Variants in FBXL2 observed in about 807,000 individuals in gnomAD.
FBXL2 encodes F-box/LRR-repeat protein 2.
Under a neutral mutation model 69.2 loss-of-function variants are expected in FBXL2, and 38 were observed. The ratio of observed to expected loss-of-function variants is 0.55; its 90% CI spans 0.42 to 0.72. The LOEUF is 0.72. Ranked by LOEUF, FBXL2 falls within the 30% of genes least tolerant of loss-of-function variation. The pLI is 0.00. For synonymous variants in FBXL2, 192 were observed against 201.3 expected, an observed-to-expected ratio of 0.95 and a Z score of 0.39; for missense variants, 354 against 520.3, an observed-to-expected ratio of 0.68 and a Z score of 3.11.
At chr3:33,310,023 A>C (rs1349366331) in intron 2 of FBXL2, among the ~76,000 whole-genome samples, 3 of 152,158 alleles carry the variant, frequency 2.0e-5, no homozygotes, top group African/African-American at 7.2e-5. Context: ...AGTCACATAC[A>C]AAAACTCTAC....
At chr3:33,355,099 A>C (rs745726431) in intron 2 of FBXL2, among the ~76,000 whole-genome samples, 8 of 151,996 alleles carry the variant, frequency 5.3e-5, no homozygotes, top group Non-Finnish European at 8.8e-5. Flanking sequence ...CTGGCTAATT[A>C]CTGTATTTTT....
chr3:33,326,557 T>C (rs2038713061), intron 2 of FBXL2, among the ~76,000 whole-genome samples: 1 of 152,028 alleles, frequency 6.6e-6, no homozygotes, highest in South Asian at 2.1e-4. Flanking sequence ...AGGTTTTTTC[T>C]TTTTCTTTTC....
At chr3:33,297,136 A>G (rs1367304999) in intron 1 of FBXL2, among the ~76,000 whole-genome samples, 1 of 152,048 alleles carries the variant, frequency 6.6e-6, no homozygotes, top group African/African-American at 2.4e-5. Context: ...ATCTCAGAGT[A>G]TTTTGTTCAT....
the FBXL2 span, chr3:33,411,457 G>A: frequency 3.8e-6 from 3 of 786,078 alleles, no homozygotes; most frequent in East Asian, 8.0e-5. Flanking sequence ...TATGTATATA[G>A]AAAGACACTA....
intron 2 of FBXL2, chr3:33,300,566 C>G (rs909913957): frequency 6.6e-6 from 1 of 152,200 alleles, no homozygotes; most frequent in Non-Finnish European, 1.5e-5. Flanking sequence ...AGATCTTCTC[C>G]AACTTGTGAG....
At chr3:33,352,992 T>A (rs922978673) in intron 2 of FBXL2, among the ~76,000 whole-genome samples, 1 of 152,172 alleles carries the variant, frequency 6.6e-6, no homozygotes, top group Non-Finnish European at 1.5e-5. Context: ...TGAACAGATA[T>A]TTTACCAAAG....
intron 1 of FBXL2, among the ~76,000 whole-genome samples, chr3:33,283,822 T>C (rs1033810135): frequency 6.6e-5 from 10 of 152,358 alleles, no homozygotes; most frequent in Admixed American, 2.0e-4. Flanking sequence ...CTGGATTTTC[T>C]AGTTTATTTG....
chr3:33,343,156 T>C (rs2040193090), intron 2 of FBXL2, among the ~76,000 whole-genome samples: 1 of 151,990 alleles, frequency 6.6e-6, no homozygotes, highest in South Asian at 2.1e-4. Context: ...CAATTATATA[T>C]ATATGATAGT....
At chr3:33,291,605 C>A (rs1012547396) in intron 1 of FBXL2, among the ~76,000 whole-genome samples, 1 of 151,362 alleles carries the variant, frequency 6.6e-6, no homozygotes, top group Non-Finnish European at 1.5e-5. Context: ...GCACAACAAG[C>A]AGGGGAAGTC....
intron 5 of FBXL2, among the ~76,000 whole-genome samples, chr3:33,366,434 A>G (rs116361484): frequency 1.3e-5 from 2 of 152,140 alleles, no homozygotes; most frequent in African/African-American, 4.8e-5. Flanking sequence ...TGGGAGGCCA[A>G]GGTGGGAGAA....
intron 2 of FBXL2, among the ~76,000 whole-genome samples, chr3:33,328,614 A>G (rs1040899620): frequency 1.3e-5 from 2 of 152,218 alleles, no homozygotes; most frequent in Admixed American, 6.5e-5. Context: ...AGTTTCTTCA[A>G]TAAATGGTGC....
chr3:33,297,797 T>C, intron 2 of FBXL2, 72 bp downstream of exon 2: 1 of 913,838 alleles, frequency 1.1e-6, no homozygotes, highest in Non-Finnish European at 1.8e-6. Context: ...CTATCTTCTT[T>C]CTCACTGTGA....
chr3:33,290,768 C>A (rs2035142800), intron 1 of FBXL2, among the ~76,000 whole-genome samples: 1 of 151,710 alleles, frequency 6.6e-6, no homozygotes, highest in Non-Finnish European at 1.5e-5. Flanking sequence ...AGAGCAGGGA[C>A]AGAAGTCTGA....
chr3:33,390,432 A>G (rs1259434718), downstream of FBXL2: 10 of 1,575,666 alleles, frequency 6.3e-6, no homozygotes, highest in African/African-American at 1.4e-5. Flanking sequence ...TATTAAATGG[A>G]AAACTCCCTG....
rs894778057 is a variant in FBXL2 at position 33,397,342 on chromosome 3, A to G, written n.1215-5892A>G. ...TGGCTTTTCCATGTCCTGTATCAAG[A>G]AGGAGCTTAGAAGTCCTGAGGCTGA... is the stretch of plus-strand genomic sequence containing the variant. On this transcript the variant is annotated intron_variant and non_coding_transcript_variant, in intron 12 of 12. Coordinates refer to the FBXL2 transcript ENST00000463736. The G allele has an allele frequency of 3.8e-5, 16 of 415,782 alleles. No individual in the cohort carries two copies. The South Asian group carries it at 8.7e-4, about 23-fold the overall frequency. 25.8% of individuals were successfully genotyped at this position (415,782 alleles called of 1,614,324 possible).
intron 1 of FBXL2, among the ~76,000 whole-genome samples, chr3:33,295,857 C>A (rs2035694098): frequency 6.6e-6 from 1 of 152,198 alleles, no homozygotes; most frequent in South Asian, 2.1e-4. Flanking sequence ...TATGTATTGG[C>A]CATTTACATA....
intron 5 of FBXL2, among the ~76,000 whole-genome samples, chr3:33,370,540 C>A (rs1395644838): frequency 6.6e-6 from 1 of 152,118 alleles, no homozygotes; most frequent in Non-Finnish European, 1.5e-5. Flanking sequence ...TCTGCTGTCA[C>A]CCTTATGTTT....
At chr3:33,297,299 T>A (rs548655390) in intron 1 of FBXL2, among the ~76,000 whole-genome samples, 1 of 152,296 alleles carries the variant, frequency 6.6e-6, no homozygotes, top group South Asian at 2.1e-4. Context: ...TTAGTTCTAA[T>A]TGATTTTTGT....
At chr3:33,383,968 A>C (rs781590468) in intron 13 of FBXL2, 21 bp from the exon 14 acceptor site, 20 of 1,610,000 alleles carry the variant, frequency 1.2e-5, no homozygotes, top group Non-Finnish European at 1.7e-5. Context: ...GCAAACATTT[A>C]CTCATGTCTT....
Sources: allele counts gnomAD v4.1 joint callset (sites outside exome capture counted in the v4.1 genomes callset), GRCh38; gene constraint gnomAD v4.1.1; transcripts MANE v1.5; gene names NCBI Gene and HGNC (gene_info 2026-07-23, HGNC 2026-07-21).